Variants in ANKS1B observed in about 807,000 individuals in gnomAD.
The protein encoded by ANKS1B is ankyrin repeat and sterile alpha motif domain-containing protein 1B.
Under a neutral mutation model 148.3 loss-of-function variants are expected in ANKS1B, and 36 were observed. That is an observed-to-expected ratio of 0.24 (90% CI 0.19 to 0.32). The LOEUF is 0.32. ANKS1B is among the 10% of genes least tolerant of loss of function. The pLI is 1.00. For missense variants in ANKS1B, 1,157 were observed against 1,542.6 expected (o/e 0.75, Z 4.19); for synonymous variants, 542 against 560.8 (o/e 0.97, Z 0.47).
At chr12:99,698,898 T>A (rs2054343003) in intron 8 of ANKS1B, among the ~76,000 whole-genome samples, 1 of 152,150 alleles carries the variant, frequency 6.6e-6, no homozygotes, top group Non-Finnish European at 1.5e-5. Flanking sequence ...CTGCCCATGG[T>A]TTTCTTTATC....
intron 4 of ANKS1B, among the ~76,000 whole-genome samples, chr12:99,799,288 C>T (rs752889712): frequency 6.6e-6 from 1 of 152,056 alleles, no homozygotes; most frequent in Non-Finnish European, 1.5e-5. Flanking sequence ...TGTCTCCCTA[C>T]ATTCTGTTTC....
intron 1 of ANKS1B, among the ~76,000 whole-genome samples, chr12:99,860,327 G>A (rs1331703728): frequency 6.6e-6 from 1 of 152,186 alleles, no homozygotes; most frequent in East Asian, 1.9e-4. Context: ...ATATGAGACT[G>A]CTAACAGGCC....
At chr12:99,779,646 GTAAA>G (rs1254768131) in intron 6 of ANKS1B, among the ~76,000 whole-genome samples, 1 of 151,876 alleles carries the variant, frequency 6.6e-6, no homozygotes, top group Non-Finnish European at 1.5e-5. Flanking sequence ...TATCAAATGA[GTAAA>G]TAAATACCTT....
Position 99,418,626 on chromosome 12 carries a change from C to A in ANKS1B, c.1576-18815G>T, listed in dbSNP as rs938115084. ...CAGTTTTCCTTTCCAAATCTGTATG[C>A]CTTTTATTTTTTTGTTTTTCTTCTT... On this transcript the variant is annotated intron_variant, in intron 11 of 26. Coordinates refer to ENST00000683438, the MANE Select transcript of ANKS1B (RefSeq NM_001352186.2). 1.6e-4 allele frequency among the ~76,000 whole-genome samples: 24 copies of A among 152,104 alleles called. 1 individual carries two copies. The highest frequency in any genetic ancestry group is 5.8e-4 in the African/African-American group (24 of 41,504).
chr12:99,298,914 A>G (rs2081248482), intron 12 of ANKS1B, among the ~76,000 whole-genome samples: 1 of 152,150 alleles, frequency 6.6e-6, no homozygotes, highest in African/African-American at 2.4e-5. Flanking sequence ...TTTTATAGAC[A>G]TTTCTGTTTT....
At chr12:99,531,917 C>T (rs923560870) in intron 9 of ANKS1B, among the ~76,000 whole-genome samples, 3 of 152,174 alleles carry the variant, frequency 2.0e-5, no homozygotes, top group Non-Finnish European at 4.4e-5. Flanking sequence ...GATCTTGTAG[C>T]TCACTGTGGT....
At position 99,244,400 on chromosome 12, in the gene ANKS1B, C is replaced by G. The variant is rs781155546; in HGVS notation, c.2361G>C (p.Met787Ile). Residue 787 changes from methionine (M) to isoleucine (I), a missense_variant, in exon 14 of 27, where the codon ATG becomes ATC. Around this residue, in one of 6 missense-constraint regions of ANKS1B, gnomAD observed 661 missense variants for 642.1 expected, o/e 1.03. Coordinates refer to ENST00000683438, the MANE Select transcript of ANKS1B (RefSeq NM_001352186.2). ...TSEWEEIDKI[M>I]SSIDVGINNE... is the part of the protein sequence containing the mutation. ...TGTTGATTCCAACATCTATGGAACT[C>G]ATTATTTTGTCAATCTGTAAGAAAC... The G allele has an allele frequency of 1.9e-6, 3 of 1,604,218 alleles. No homozygotes were observed. The Admixed American group carries it at 5.2e-5, about 28-fold the overall frequency.
chr12:99,654,175 T>C (rs1417087594), intron 9 of ANKS1B, among the ~76,000 whole-genome samples: 1 of 152,158 alleles, frequency 6.6e-6, no homozygotes, highest in Non-Finnish European at 1.5e-5. Context: ...AACAAATTAA[T>C]ATTGAAATTT....
intron 10 of ANKS1B, among the ~76,000 whole-genome samples, chr12:99,477,045 A>C (rs1377673474): frequency 6.6e-6 from 1 of 152,102 alleles, no homozygotes; most frequent in Non-Finnish European, 1.5e-5. Flanking sequence ...GCTCCATCAA[A>C]ATGAGTGAAC....
At chr12:99,276,211 A>T (rs1216273620) in intron 12 of ANKS1B, among the ~76,000 whole-genome samples, 1 of 152,144 alleles carries the variant, frequency 6.6e-6, no homozygotes, top group African/African-American at 2.4e-5. Context: ...CTGGGTGAAT[A>T]TTTCATCTCA....
intron 17 of ANKS1B, among the ~76,000 whole-genome samples, chr12:99,000,112 G>A (rs2099932033): frequency 6.6e-6 from 1 of 151,858 alleles, no homozygotes. Context: ...ACAGAGAGGA[G>A]AGTAAGGAAA....
chr12:99,576,519 A>G (rs2097521911), intron 9 of ANKS1B, among the ~76,000 whole-genome samples: 1 of 152,130 alleles, frequency 6.6e-6, no homozygotes, highest in Non-Finnish European at 1.5e-5. Context: ...AGAAACCAAA[A>G]TCATACCAAT....
intron 8 of ANKS1B, among the ~76,000 whole-genome samples, chr12:99,660,678 T>C (rs371194804): frequency 4.7e-4 from 71 of 152,302 alleles, no homozygotes; most frequent in African/African-American, 1.7e-3. Flanking sequence ...TTTCTAAGTA[T>C]TGCCAATGTT....
chr12:99,513,389 A>G (rs577400608), intron 9 of ANKS1B, among the ~76,000 whole-genome samples: 1 of 152,190 alleles, frequency 6.6e-6, no homozygotes, highest in African/African-American at 2.4e-5. Flanking sequence ...ACATTTGTGA[A>G]GTATGTCTGT....
At chr12:99,285,252 ATAGT>A (rs2078976971) in intron 12 of ANKS1B, among the ~76,000 whole-genome samples, 2 of 152,220 alleles carry the variant, frequency 1.3e-5, no homozygotes, top group South Asian at 2.1e-4. Context: ...TTTACTCAGC[ATAGT>A]TATTTTGATA....
intron 15 of ANKS1B, among the ~76,000 whole-genome samples, chr12:99,148,669 T>C (rs141738912): frequency 3.5e-4 from 54 of 152,228 alleles, no homozygotes; most frequent in Admixed American, 5.9e-4. Flanking sequence ...AACTGAATCA[T>C]AGAGAAACAA....
intron 8 of ANKS1B, among the ~76,000 whole-genome samples, chr12:99,670,500 T>C (rs1342220505): frequency 6.6e-6 from 1 of 152,064 alleles, no homozygotes; most frequent in Non-Finnish European, 1.5e-5. Context: ...AATAAATTTA[T>C]TTAAATTTAT....
At chr12:99,259,648 C>T (rs2075706111) in intron 12 of ANKS1B, among the ~76,000 whole-genome samples, 1 of 152,220 alleles carries the variant, frequency 6.6e-6, no homozygotes, top group South Asian at 2.1e-4. Flanking sequence ...GCTGCCTGGG[C>T]AGACTGTATT....
intron 17 of ANKS1B, among the ~76,000 whole-genome samples, chr12:98,946,216 T>C (rs1233353917): frequency 2.0e-5 from 3 of 152,190 alleles, no homozygotes; most frequent in Non-Finnish European, 4.4e-5. Flanking sequence ...TCTTTCCCCA[T>C]CCCAAACTGA....
Sources: allele counts gnomAD v4.1 joint callset (sites outside exome capture counted in the v4.1 genomes callset), GRCh38; gene constraint gnomAD v4.1.1; regional missense constraint gnomAD v4.1.1; transcripts MANE v1.5; gene names NCBI Gene and HGNC (gene_info 2026-07-23, HGNC 2026-07-21).